The following SHISA9 variants were observed in gnomAD, a reference collection of about 807,000 sequenced individuals.
The protein encoded by SHISA9 is protein shisa-9.
A neutral mutation model predicts 38.0 loss-of-function variants in SHISA9; 13 were observed. The ratio of observed to expected loss-of-function variants is 0.34; its 90% CI spans 0.22 to 0.54. The LOEUF (loss-of-function observed/expected upper bound fraction) is 0.54. Ranked by LOEUF, SHISA9 falls within the 20% of genes least tolerant of loss-of-function variation. The pLI is 0.91. For synonymous variants in SHISA9, 275 were observed against 242.0 expected (o/e 1.14, Z -1.27); for missense variants, 538 against 575.8 (o/e 0.93, Z 0.67).
At chr16:13,524,684 G>A in the SHISA9 span, among the ~76,000 whole-genome samples, 1 of 152,084 alleles carries the variant, frequency 6.6e-6, no homozygotes, top group South Asian at 2.1e-4. Context: ...TCAGCCTCCT[G>A]AGTAGCGGGG....
chr16:12,971,224 A>G (rs2072077896), intron 2 of SHISA9, among the ~76,000 whole-genome samples: 1 of 152,192 alleles, frequency 6.6e-6, no homozygotes, highest in South Asian at 2.1e-4. Context: ...TCCCCCCTCC[A>G]AATCAGGACT....
chr16:13,355,157 A>G, the SHISA9 span, among the ~76,000 whole-genome samples: 1,098 of 149,164 alleles, frequency 7.4e-3, 13 homozygotes, highest in African/African-American at 0.026. Context: ...TTGATAAGGC[A>G]CAGATACTGA....
intron 2 of SHISA9, among the ~76,000 whole-genome samples, chr16:13,101,095 T>C (rs1251958606): frequency 6.6e-6 from 1 of 152,190 alleles, no homozygotes; most frequent in Non-Finnish European, 1.5e-5. Flanking sequence ...CTTTCAGGTG[T>C]GTCTATGTTT....
At chr16:13,082,864 G>C (rs2073668603) in intron 2 of SHISA9, among the ~76,000 whole-genome samples, 1 of 152,182 alleles carries the variant, frequency 6.6e-6, no homozygotes, top group African/African-American at 2.4e-5. Context: ...CCATCCAGAG[G>C]TGACCAAGGT....
chr16:13,064,784 CAAAAA>C (rs72435637), intron 2 of SHISA9, among the ~76,000 whole-genome samples: 14 of 82,394 alleles, frequency 1.7e-4, no homozygotes, highest in Admixed American at 5.6e-4. Flanking sequence ...AGTTGTAAGG[CAAAAA>C]AAAAAAAAAA....
chr16:13,426,213 G>A, the SHISA9 span, among the ~76,000 whole-genome samples: 2 of 152,092 alleles, frequency 1.3e-5, no homozygotes, highest in East Asian at 3.8e-4. Flanking sequence ...TACACGTCAG[G>A]ATCCTTGCGA....
the SHISA9 span, among the ~76,000 whole-genome samples, chr16:13,539,358 T>TAA: frequency 0.034 from 2,189 of 64,766 alleles, 209 homozygotes; most frequent in African/African-American, 0.084. Flanking sequence ...TATATATATA[T>TAA]AAAGACAGGA....
chr16:13,468,962 G>A, the SHISA9 span, among the ~76,000 whole-genome samples: 1 of 151,586 alleles, frequency 6.6e-6, no homozygotes, highest in African/African-American at 2.4e-5. Flanking sequence ...CAAAAAAGAG[G>A]CTGGGCACTG....
chr16:13,097,370 G>A (rs1596646218), intron 2 of SHISA9, among the ~76,000 whole-genome samples: 1 of 151,970 alleles, frequency 6.6e-6, no homozygotes, highest in East Asian at 1.9e-4. Context: ...TTTATGGGAT[G>A]AGCCATCACG....
At chr16:13,111,548 G>A (rs2073978255) in intron 2 of SHISA9, among the ~76,000 whole-genome samples, 1 of 152,138 alleles carries the variant, frequency 6.6e-6, no homozygotes, top group Non-Finnish European at 1.5e-5. Flanking sequence ...GATTATCTGT[G>A]TAAGACACTT....
At chr16:13,255,372 C>A in the SHISA9 span, among the ~76,000 whole-genome samples, 1 of 152,152 alleles carries the variant, frequency 6.6e-6, no homozygotes, top group South Asian at 2.1e-4. Flanking sequence ...GACCTTATGT[C>A]TCTTCTCTCT....
At chr16:13,223,352 C>T (rs994287222) in intron 4 of SHISA9, among the ~76,000 whole-genome samples, 1 of 152,128 alleles carries the variant, frequency 6.6e-6, no homozygotes, top group African/African-American at 2.4e-5. Flanking sequence ...ATCACTTGAA[C>T]CCAGGAGGGT....
chr16:12,954,537 C>T (rs532797112), intron 2 of SHISA9, among the ~76,000 whole-genome samples: 1 of 152,236 alleles, frequency 6.6e-6, no homozygotes, highest in African/African-American at 2.4e-5. Flanking sequence ...CTCTTGACAC[C>T]TTCCATGTGG....
the SHISA9 span, among the ~76,000 whole-genome samples, chr16:13,553,550 C>CCA: frequency 6.6e-6 from 1 of 152,222 alleles, no homozygotes; most frequent in South Asian, 2.1e-4. Flanking sequence ...GTCTAAAATA[C>CCA]CACTACCATA....
At chr16:13,523,335 G>A in the SHISA9 span, among the ~76,000 whole-genome samples, 5 of 152,146 alleles carry the variant, frequency 3.3e-5, no homozygotes, top group South Asian at 8.3e-4. Context: ...GGGCAACACA[G>A]CAAGACTCCA....
chr16:13,241,176 C>T (rs182635159), downstream of SHISA9, among the ~76,000 whole-genome samples: 38 of 152,314 alleles, frequency 2.5e-4, 1 homozygote, highest in South Asian at 2.1e-3. Flanking sequence ...TTCAGACACT[C>T]CTAGGCTGTC....
At chr16:13,307,306 C>A in the SHISA9 span, among the ~76,000 whole-genome samples, 1 of 152,150 alleles carries the variant, frequency 6.6e-6, no homozygotes, top group Non-Finnish European at 1.5e-5. Flanking sequence ...TTTTGCATTC[C>A]AGAATGGTGT....
chr16:13,183,626 C>T (rs569368014), intron 2 of SHISA9, among the ~76,000 whole-genome samples: 2 of 152,302 alleles, frequency 1.3e-5, no homozygotes, highest in South Asian at 4.2e-4. Context: ...TATAAAGTGC[C>T]CTATCTTGGT....
At chr16:13,059,397 G>C (rs867604740) in intron 2 of SHISA9, among the ~76,000 whole-genome samples, 39 of 152,080 alleles carry the variant, frequency 2.6e-4, no homozygotes, top group African/African-American at 9.4e-4. Flanking sequence ...AAAGTGCTGG[G>C]ATTACAGGCG....
Sources: gnomAD v4.1 joint callset for allele counts (sites outside exome capture counted in the v4.1 genomes callset) on GRCh38, gnomAD v4.1.1 for gene constraint, MANE v1.5 for transcripts, NCBI Gene and HGNC (gene_info 2026-07-23, HGNC 2026-07-21) for gene names.